The following ZMAT4 variants were observed in gnomAD, a reference collection of about 807,000 sequenced individuals.
The protein encoded by ZMAT4 is zinc finger matrin-type 4, also known as zinc finger matrin-type protein 4.
Under a neutral mutation model 28.7 loss-of-function variants are expected in ZMAT4, and 17 were observed. That is an observed-to-expected ratio of 0.59 (90% CI 0.41 to 0.89). The LOEUF (loss-of-function observed/expected upper bound fraction) is 0.89. ZMAT4 is among the 40% of genes least tolerant of loss of function. ZMAT4 has a pLI of 0.00. For synonymous variants in ZMAT4, 117 were observed against 109.2 expected, an observed-to-expected ratio of 1.07 and a Z score of -0.44; for missense variants, 240 against 283.8, an observed-to-expected ratio of 0.85 and a Z score of 1.11.
At chr8:40,655,239 G>A (rs966481189) in intron 5 of ZMAT4, among the ~76,000 whole-genome samples, 2 of 151,856 alleles carry the variant, frequency 1.3e-5, no homozygotes, top group African/African-American at 4.8e-5. Context: ...AAAAAAATTA[G>A]GAATAAGTTT....
At chr8:40,545,421 T>C (rs1480445384) in intron 6 of ZMAT4, among the ~76,000 whole-genome samples, 1 of 152,186 alleles carries the variant, frequency 6.6e-6, no homozygotes, top group African/African-American at 2.4e-5. Context: ...GGTAGAATTA[T>C]GCTCCCCCCA....
At chr8:40,821,249 A>G (rs1028546339) in intron 2 of ZMAT4, among the ~76,000 whole-genome samples, 19 of 151,942 alleles carry the variant, frequency 1.3e-4, no homozygotes, top group African/African-American at 4.4e-4. Flanking sequence ...ACTGCAGCAA[A>G]CCACACAAAT....
At chr8:40,694,008 C>T (rs1290488849) in intron 4 of ZMAT4, among the ~76,000 whole-genome samples, 1 of 152,224 alleles carries the variant, frequency 6.6e-6, no homozygotes, top group Non-Finnish European at 1.5e-5. Flanking sequence ...GGCAGCATAC[C>T]TGAGCAAAAT....
At chr8:40,887,194 G>T (rs1346342255) in intron 1 of ZMAT4, among the ~76,000 whole-genome samples, 1 of 145,272 alleles carries the variant, frequency 6.9e-6, no homozygotes, top group East Asian at 2.1e-4. Flanking sequence ...AAAAAAGCCG[G>T]TTTTGGCCAG....
intron 1 of ZMAT4, among the ~76,000 whole-genome samples, chr8:40,855,104 A>G (rs1817249942): frequency 6.6e-6 from 1 of 152,172 alleles, no homozygotes; most frequent in African/African-American, 2.4e-5. Flanking sequence ...GGGTTTTTGC[A>G]ATCCCCCGCT....
intron 1 of ZMAT4, among the ~76,000 whole-genome samples, chr8:40,835,560 C>T (rs1279496742): frequency 6.6e-6 from 1 of 152,148 alleles, no homozygotes; most frequent in Non-Finnish European, 1.5e-5. Context: ...TTCAAAAATA[C>T]AGTTTCTAAA....
intron 2 of ZMAT4, among the ~76,000 whole-genome samples, chr8:40,822,776 G>A (rs986272833): frequency 6.6e-6 from 1 of 152,136 alleles, no homozygotes; most frequent in Admixed American, 6.5e-5. Context: ...GAAGAAGGGA[G>A]GGAAATATCA....
chr8:40,774,403 G>A (rs1280868092), intron 2 of ZMAT4, among the ~76,000 whole-genome samples: 2 of 152,096 alleles, frequency 1.3e-5, no homozygotes, highest in Non-Finnish European at 2.9e-5. Context: ...GCTAGCACTT[G>A]TGTACATAGA....
intron 3 of ZMAT4, among the ~76,000 whole-genome samples, chr8:40,711,783 G>T (rs149006686): frequency 6.6e-6 from 1 of 152,172 alleles, no homozygotes; most frequent in African/African-American, 2.4e-5. Context: ...GAAAAGTCAG[G>T]ATAGTGGTTA....
rs532894193 is a variant in ZMAT4 at position 40,645,450 on chromosome 8, AC to A, written c.577+29253del. Among the ~76,000 whole-genome samples the A allele has an allele frequency of 4.3e-3, 652 of 152,306 alleles. 5 individuals carry two copies. Among genetic ancestry groups the A allele is most frequent in the Non-Finnish European group, 6.7e-3 (456 of 68,018 alleles). On this transcript the variant is annotated intron_variant, in intron 5 of 6. Transcript: ENST00000297737. ...TGGATTAGAGAGAAGAATATATAAA[AC>A]TAAATAGAACACACAGAAAATATAG...
At chr8:40,745,387 T>C (rs1812175642) in intron 3 of ZMAT4, among the ~76,000 whole-genome samples, 2 of 152,144 alleles carry the variant, frequency 1.3e-5, no homozygotes, top group South Asian at 4.1e-4. Flanking sequence ...AAGCAAGTAA[T>C]TCAAGTAAAA....
intron 3 of ZMAT4, among the ~76,000 whole-genome samples, chr8:40,752,056 C>T (rs1812474337): frequency 6.6e-6 from 1 of 152,142 alleles, no homozygotes; most frequent in Non-Finnish European, 1.5e-5. Context: ...CCCAAGACCA[C>T]ACCTGAGTTC....
At chr8:40,825,730 T>G (rs1376941922) in intron 1 of ZMAT4, 50 bp from the exon 2 acceptor site, 3 of 1,411,732 alleles carry the variant, frequency 2.1e-6, no homozygotes, top group Non-Finnish European at 2.9e-6. Flanking sequence ...CTTTGATGTT[T>G]ATGCAAGATA....
At chr8:40,688,177 C>T (rs1336103872) in intron 4 of ZMAT4, among the ~76,000 whole-genome samples, 2 of 152,078 alleles carry the variant, frequency 1.3e-5, no homozygotes, top group African/African-American at 4.8e-5. Flanking sequence ...ATAAAATAGG[C>T]CGGGGGGCGG....
At chr8:40,709,205 CT>C (rs1262214341) in intron 3 of ZMAT4, among the ~76,000 whole-genome samples, 5 of 152,072 alleles carry the variant, frequency 3.3e-5, no homozygotes, top group African/African-American at 1.2e-4. Context: ...AATAGTTATA[CT>C]GTATCTTTTA....
intron 6 of ZMAT4, among the ~76,000 whole-genome samples, chr8:40,559,476 A>G (rs968235228): frequency 1.3e-5 from 2 of 151,724 alleles, no homozygotes; most frequent in Non-Finnish European, 2.9e-5. Flanking sequence ...TCCTCCTATA[A>G]CCTGTTAAAT....
intron 3 of ZMAT4, among the ~76,000 whole-genome samples, chr8:40,738,952 AT>A (rs1195299993): frequency 6.6e-6 from 1 of 152,254 alleles, no homozygotes; most frequent in Non-Finnish European, 1.5e-5. Flanking sequence ...TAAAAGTTTC[AT>A]TACATTTAGA....
intron 2 of ZMAT4, among the ~76,000 whole-genome samples, chr8:40,813,595 C>T (rs7835606): frequency 0.42 from 64,439 of 152,132 alleles, 14,568 homozygotes; most frequent in Middle Eastern, 0.57. Context: ...AAGCAAGTGA[C>T]GGCTTGCCAA....
chr8:40,853,777 A>G (rs976024570), intron 1 of ZMAT4, among the ~76,000 whole-genome samples: 1 of 152,212 alleles, frequency 6.6e-6, no homozygotes, highest in African/African-American at 2.4e-5. Flanking sequence ...ACACAGTGAA[A>G]AAGGCAAATA....
Sources: allele counts gnomAD v4.1 joint callset (sites outside exome capture counted in the v4.1 genomes callset), GRCh38; gene constraint gnomAD v4.1.1; transcripts MANE v1.5; gene names NCBI Gene and HGNC (gene_info 2026-07-23, HGNC 2026-07-21).